The following ROBO2 variants were observed in gnomAD, a reference collection of about 807,000 sequenced individuals.
The protein encoded by ROBO2 is roundabout homolog 2.
Under a neutral mutation model 160.8 loss-of-function variants are expected in ROBO2, and 53 were observed. The ratio of observed to expected loss-of-function variants is 0.33; its 90% CI spans 0.26 to 0.41. The LOEUF is 0.41. Among genes scored for constraint, ROBO2 ranks in the 10% least tolerant of loss-of-function variants. ROBO2 has a pLI of 1.00. For missense variants in ROBO2, 1,577 were observed against 1,722.4 expected, an observed-to-expected ratio of 0.92 and a Z score of 1.49; for synonymous variants, 664 against 611.7, an observed-to-expected ratio of 1.09 and a Z score of -1.26.
Position 76,928,253 on chromosome 3 carries a change from C to A in ROBO2, c.110-169761C>A, listed in dbSNP as rs569522435. On this transcript the variant is annotated intron_variant, in intron 2 of 26. Coordinates refer to the ROBO2 transcript ENST00000487694. ...CAAAATGGGAGTGGACTCTAGAAGT[C>A]AGAACCAGCAAGGGAACAAATTCCC... Among the ~76,000 whole-genome samples the A allele has an allele frequency of 1.2e-4, 19 of 152,162 alleles. No individual in the cohort carries two copies. In the South Asian group the frequency reaches 3.7e-3, roughly 30 times the overall value.
chr3:76,258,259 G>A (rs534776687), intron 2 of ROBO2, among the ~76,000 whole-genome samples: 1 of 151,704 alleles, frequency 6.6e-6, no homozygotes, highest in Admixed American at 6.6e-5. Flanking sequence ...CTGTATATTT[G>A]ATATTTGATG....
chr3:76,096,952 CT>C (rs1271837678), intron 2 of ROBO2, among the ~76,000 whole-genome samples: 11 of 152,130 alleles, frequency 7.2e-5, no homozygotes. Flanking sequence ...AACTCTCTGT[CT>C]TTGCTACATG....
chr3:76,998,177 C>T (rs1460039040), intron 2 of ROBO2, among the ~76,000 whole-genome samples: 3 of 152,006 alleles, frequency 2.0e-5, no homozygotes, highest in Non-Finnish European at 2.9e-5. Flanking sequence ...ATTATACTGG[C>T]CTACATATTA....
chr3:77,219,742 A>G (rs566688085), intron 2 of ROBO2, among the ~76,000 whole-genome samples: 83 of 151,784 alleles, frequency 5.5e-4, no homozygotes, highest in African/African-American at 1.9e-3. Context: ...ATCAAATCAC[A>G]TATGACATTC....
At chr3:77,428,310 T>G (rs538773319) in intron 2 of ROBO2, among the ~76,000 whole-genome samples, 6 of 151,680 alleles carry the variant, frequency 4.0e-5, no homozygotes, top group African/African-American at 1.5e-4. Context: ...ATTTTGTGTT[T>G]GAGGCATTCA....
intron 2 of ROBO2, among the ~76,000 whole-genome samples, chr3:75,986,073 G>C (rs1344465520): frequency 6.6e-6 from 1 of 151,574 alleles, no homozygotes; most frequent in Non-Finnish European, 1.5e-5. Context: ...TGGGGTGCTG[G>C]ATTATATGTA....
intron 2 of ROBO2, among the ~76,000 whole-genome samples, chr3:77,148,461 A>G (rs1221062439): frequency 1.3e-5 from 2 of 152,252 alleles, no homozygotes; most frequent in Admixed American, 6.5e-5. Context: ...TTAAGAGGAA[A>G]GGAAAACTAC....
At chr3:76,649,057 T>TAG (rs2091125923) in intron 2 of ROBO2, among the ~76,000 whole-genome samples, 1 of 152,124 alleles carries the variant, frequency 6.6e-6, no homozygotes, top group African/African-American at 2.4e-5. Context: ...ATTGACTTGA[T>TAG]TTCAAATCCA....
intron 6 of ROBO2, among the ~76,000 whole-genome samples, chr3:77,533,313 A>C (rs1244631524): frequency 6.6e-6 from 1 of 152,040 alleles, no homozygotes; most frequent in Non-Finnish European, 1.5e-5. Flanking sequence ...CAGGTGTGTC[A>C]GTTTTCTATT....
chr3:76,307,239 CT>C (rs1471348894), intron 2 of ROBO2, among the ~76,000 whole-genome samples: 1 of 152,148 alleles, frequency 6.6e-6, no homozygotes, highest in Non-Finnish European at 1.5e-5. Context: ...AAAATATATT[CT>C]CATTATTTGA....
At chr3:76,974,201 T>C (rs1423626528) in intron 2 of ROBO2, among the ~76,000 whole-genome samples, 1 of 152,172 alleles carries the variant, frequency 6.6e-6, no homozygotes. Flanking sequence ...TTGATAAACA[T>C]TACATCTGAA....
Position 77,006,292 on chromosome 3 carries a change from A to G in ROBO2, c.110-91722A>G, listed in dbSNP as rs139689621. ...TATATACTGGCCAAATGTTGATAATAGAATTTTAATATTTGTGTGTGTGTG... is the reference window on the plus strand; with the variant it reads ...TATATACTGGCCAAATGTTGATAATGGAATTTTAATATTTGTGTGTGTGTG... On this transcript the variant is annotated intron_variant, in intron 2 of 26. Transcript: ENST00000487694. 6.7e-4 allele frequency among the ~76,000 whole-genome samples: 93 copies of G among 139,200 alleles called. 1 individual carries two copies. The East Asian group carries it at 0.012, about 17-fold the overall frequency. The allele number at this position is 139,200 out of a possible 152,430, so 91.3% of individuals were successfully genotyped here. A position where few individuals can be genotyped will look rare whatever the true frequency, so the allele number is the denominator to read the frequency against.
At chr3:76,950,337 C>T (rs1205422184) in intron 2 of ROBO2, among the ~76,000 whole-genome samples, 1 of 152,180 alleles carries the variant, frequency 6.6e-6, no homozygotes, top group East Asian at 1.9e-4. Flanking sequence ...CTTTCTCTAA[C>T]AGAACACGAT....
At chr3:77,294,924 C>A (rs1252413313) in intron 2 of ROBO2, among the ~76,000 whole-genome samples, 1 of 151,018 alleles carries the variant, frequency 6.6e-6, no homozygotes, top group South Asian at 2.1e-4. Context: ...TCACCCCAGA[C>A]ATAAAGTAAA....
intron 2 of ROBO2, among the ~76,000 whole-genome samples, chr3:76,021,792 T>C (rs1418307014): frequency 1.3e-5 from 2 of 151,818 alleles, no homozygotes; most frequent in African/African-American, 4.8e-5. Flanking sequence ...TTGGTCCCAA[T>C]GTTGATGGCA....
intron 2 of ROBO2, among the ~76,000 whole-genome samples, chr3:75,939,605 G>T (rs899026510): frequency 1.3e-5 from 2 of 152,120 alleles, no homozygotes; most frequent in African/African-American, 2.4e-5. Flanking sequence ...GGAATGCTTT[G>T]ATATTATGAT....
At chr3:76,631,691 G>C (rs78057933) in intron 2 of ROBO2, among the ~76,000 whole-genome samples, 1,604 of 152,226 alleles carry the variant, frequency 0.011, 30 homozygotes, top group African/African-American at 0.036. Flanking sequence ...CAGGGTGTCA[G>C]ATGTCTCTTC....
intron 2 of ROBO2, among the ~76,000 whole-genome samples, chr3:76,089,549 C>T (rs922016327): frequency 1.3e-5 from 2 of 151,872 alleles, no homozygotes; most frequent in Non-Finnish European, 2.9e-5. Flanking sequence ...TTAATGTAAC[C>T]CATCACATCA....
chr3:76,493,337 T>TATATATATATATATA (rs2079939030), intron 2 of ROBO2, among the ~76,000 whole-genome samples: 1 of 104,830 alleles, frequency 9.5e-6, no homozygotes, highest in Non-Finnish European at 2.0e-5. Flanking sequence ...AGACAAAAAA[T>TATATATATATATATA]TATATATATA....
Sources: gnomAD v4.1 joint callset for allele counts (sites outside exome capture counted in the v4.1 genomes callset) on GRCh38, gnomAD v4.1.1 for gene constraint, MANE v1.5 for transcripts, NCBI Gene and HGNC (gene_info 2026-07-23, HGNC 2026-07-21) for gene names.